Variants in OPHN1 observed in about 807,000 individuals in gnomAD.
OPHN1 encodes oligophrenin 1.
A neutral mutation model predicts 60.7 loss-of-function variants in OPHN1; 11 were observed. That is an observed-to-expected ratio of 0.18 (90% CI 0.11 to 0.30). The LOEUF is 0.30. Ranked by LOEUF, OPHN1 falls within the 10% of genes least tolerant of loss-of-function variation. OPHN1 has a pLI of 1.00. For synonymous variants in OPHN1, 226 were observed against 222.6 expected, an observed-to-expected ratio of 1.02 and a Z score of -0.14; for missense variants, 449 against 611.0, an observed-to-expected ratio of 0.73 and a Z score of 2.80.
chrX:68,348,337 A>G (rs1026089277), intron 2 of OPHN1, among the ~76,000 whole-genome samples: 1 of 111,137 alleles, frequency 9.0e-6, no homozygotes, highest in Admixed American at 9.7e-5. Context: ...TTGAGGAGGG[A>G]ACTAGCAAGT....
At chrX:68,310,452 C>G (rs1360199419) in intron 2 of OPHN1, among the ~76,000 whole-genome samples, 1 of 110,121 alleles carries the variant, frequency 9.1e-6, no homozygotes, top group Non-Finnish European at 1.9e-5. Context: ...AAAAATGCCC[C>G]ATAAGAACAC....
intron 22 of OPHN1, 91 bp downstream of exon 22, chrX:68,053,554 G>A (rs1339641458): frequency 2.1e-6 from 2 of 936,877 alleles, no homozygotes; most frequent in Admixed American, 4.8e-5. Context: ...CCAGGGCTGT[G>A]CACTGTATAC....
chrX:68,070,852 G>A (rs1181400377), intron 20 of OPHN1: 2 of 1,180,428 alleles, frequency 1.7e-6, no homozygotes, highest in Non-Finnish European at 2.3e-6. Context: ...TCAGCCAGCA[G>A]GTATGCCAGA....
At chrX:68,376,526 T>C (rs1180265589) in intron 2 of OPHN1, among the ~76,000 whole-genome samples, 1 of 111,167 alleles carries the variant, frequency 9.0e-6, no homozygotes, top group Non-Finnish European at 1.9e-5. Flanking sequence ...GTTTGGTGGG[T>C]GTGTTACTGG....
In OPHN1 at chrX:68,042,555, G is replaced by A. The variant is rs1005663649; in HGVS notation, c.*4617C>T. On this transcript the variant is annotated 3_prime_UTR_variant, in exon 25 of 25. Coordinates refer to ENST00000355520, the MANE Select transcript of OPHN1 (RefSeq NM_002547.3). ...TTATCTTTAAGGTATCTTGTCCTTC[G>A]CGAAGGACATGAACAGACACTTCTC... 4 of 109,743 alleles carry A rather than the reference G, an allele frequency of 3.6e-5. No individual in the cohort carries two copies. The highest frequency in any genetic ancestry group is 1.9e-4 in the Admixed American group (2 of 10,284). The allele number at this position is 109,743 out of a possible 1,213,427, so 9.0% of individuals were successfully genotyped here. A position where few individuals can be genotyped will look rare whatever the true frequency, so the allele number is the denominator to read the frequency against.
chrX:68,330,257 C>G, intron 2 of OPHN1, among the ~76,000 whole-genome samples: 1 of 110,084 alleles, frequency 9.1e-6, no homozygotes, highest in Non-Finnish European at 1.9e-5. Context: ...CACCATCATG[C>G]CCAGCTAATT....
At chrX:68,155,416 T>C (rs762704153) in intron 15 of OPHN1, among the ~76,000 whole-genome samples, 1 of 111,798 alleles carries the variant, frequency 8.9e-6, no homozygotes, top group African/African-American at 3.3e-5. Context: ...GGGAGGTGAT[T>C]GGATCAGGGG....
chrX:68,265,748 T>C (rs1005236169), intron 5 of OPHN1, among the ~76,000 whole-genome samples: 11 of 111,042 alleles, frequency 9.9e-5, no homozygotes, highest in Non-Finnish European at 1.9e-4. Flanking sequence ...GGAGGAAGTT[T>C]GAACCCATGG....
At chrX:68,343,937 A>G (rs899887365) in intron 2 of OPHN1, among the ~76,000 whole-genome samples, 1 of 112,050 alleles carries the variant, frequency 8.9e-6, no homozygotes, top group Admixed American at 9.5e-5. Flanking sequence ...AGACTGGCGT[A>G]TAGCCTTGCT....
chrX:68,186,089 T>C (rs1308775186), intron 15 of OPHN1, among the ~76,000 whole-genome samples: 1 of 111,311 alleles, frequency 9.0e-6, no homozygotes, highest in Non-Finnish European at 1.9e-5. Context: ...ATCCCAAATC[T>C]GGGATATTCC....
chrX:68,224,567 A>G (rs899286453), intron 6 of OPHN1, among the ~76,000 whole-genome samples: 2 of 112,339 alleles, frequency 1.8e-5, no homozygotes, highest in African/African-American at 6.5e-5. Context: ...ACAATTTAAT[A>G]TTTGTGGGCA....
At chrX:68,380,161 G>A (rs1480950620) in intron 2 of OPHN1, among the ~76,000 whole-genome samples, 2 of 110,966 alleles carry the variant, frequency 1.8e-5, no homozygotes, top group Non-Finnish European at 3.8e-5. Context: ...ATCTTGGGAG[G>A]GTGTATGTGT....
chrX:68,109,388 T>C (rs896458644), intron 18 of OPHN1, among the ~76,000 whole-genome samples: 2 of 112,055 alleles, frequency 1.8e-5, no homozygotes, highest in African/African-American at 6.5e-5. Flanking sequence ...TTCCATTGCC[T>C]GTATATCACA....
chrX:68,063,486 A>G (rs974267252), intron 21 of OPHN1, among the ~76,000 whole-genome samples: 20 of 108,122 alleles, frequency 1.8e-4, no homozygotes, highest in Non-Finnish European at 3.1e-4. Flanking sequence ...ACGTCACTGC[A>G]CTCCAGCCTG....
chrX:68,174,740 G>A (rs1345054305), intron 15 of OPHN1, among the ~76,000 whole-genome samples: 1 of 109,901 alleles, frequency 9.1e-6, no homozygotes, highest in Non-Finnish European at 1.9e-5. Context: ...CTAAAGTGCT[G>A]GGATTACAGG....
intron 2 of OPHN1, among the ~76,000 whole-genome samples, chrX:68,306,895 A>G (rs942126210): frequency 3.6e-5 from 4 of 110,322 alleles, no homozygotes; most frequent in Non-Finnish European, 7.6e-5. Context: ...GCTAATTTCT[A>G]AAATTTTTTG....
chrX:68,163,793 G>T (rs772141994), intron 15 of OPHN1, among the ~76,000 whole-genome samples: 3 of 110,783 alleles, frequency 2.7e-5, no homozygotes, highest in Non-Finnish European at 3.8e-5. Flanking sequence ...TAAGTGTGAC[G>T]TGTATCTCAT....
intron 5 of OPHN1, among the ~76,000 whole-genome samples, chrX:68,257,488 T>A (rs2077869757): frequency 8.9e-6 from 1 of 111,776 alleles, no homozygotes; most frequent in Non-Finnish European, 1.9e-5. Flanking sequence ...TGAGCTCTGG[T>A]TTCCTGTTCT....
At chrX:68,173,824 T>A (rs1001641043) in intron 15 of OPHN1, among the ~76,000 whole-genome samples, 1 of 111,481 alleles carries the variant, frequency 9.0e-6, no homozygotes, top group East Asian at 2.8e-4. Flanking sequence ...TCACTTAATG[T>A]TAAGTGAAAG....
Sources: gnomAD v4.1 joint callset for allele counts (sites outside exome capture counted in the v4.1 genomes callset) on GRCh38, gnomAD v4.1.1 for gene constraint, MANE v1.5 for transcripts, NCBI Gene and HGNC (gene_info 2026-07-23, HGNC 2026-07-21) for gene names.